Variants in PLA2G4F observed in about 807,000 individuals in gnomAD.
PLA2G4F encodes the protein phospholipase A2 group IVF, also known as cytosolic phospholipase A2 zeta.
In PLA2G4F, 105 loss-of-function variants were observed where a neutral mutation model predicts 103.1. The ratio of observed to expected loss-of-function variants is 1.02; its 90% CI spans 0.87 to 1.20. PLA2G4F has a LOEUF of 1.20. PLA2G4F is among the 50% of genes most tolerant of loss of function. The pLI, the probability that PLA2G4F is intolerant of heterozygous loss-of-function variation, is 0.00. For missense variants in PLA2G4F, 1,155 were observed against 1,075.9 expected, an observed-to-expected ratio of 1.07 and a Z score of -1.03; for synonymous variants, 468 against 441.1, an observed-to-expected ratio of 1.06 and a Z score of -0.76.
In PLA2G4F at chr15:42,144,086, C is replaced by T. The variant is rs1394384853; in HGVS notation, c.2034G>A (p.Leu678=). 1 of 1,614,076 alleles carries T rather than the reference C, an allele frequency of 6.2e-7. No individual in the cohort carries two copies. Among genetic ancestry groups the T allele is most frequent in the Admixed American group, 1.7e-5 (1 of 60,002 alleles). The part of the protein sequence containing the change: ...QLTPMRDCLY[L]VDGGFAINSP... ...AGTTGATGGCAAAGCCTCCGTCCACCAGGTACAGGCAGTCCCGCATGGGGG... is the reference window on the plus strand; with the variant it reads ...AGTTGATGGCAAAGCCTCCGTCCACTAGGTACAGGCAGTCCCGCATGGGGG... The change falls in exon 18 of 20, where the codon CTG becomes CTA. Residue 678 remains leucine, a synonymous_variant. Transcript: ENST00000397272.
chr15:42,152,551 A>C (rs1424692815), intron 7 of PLA2G4F, 137 bp downstream of exon 7: 8 of 929,984 alleles, frequency 8.6e-6, no homozygotes, highest in Middle Eastern at 2.1e-4. Context: ...CCTCCAGTGA[A>C]CAATCCATCC....
rs1311768355 is a variant in PLA2G4F, at chr15:42,152,701, T to A, written c.588A>T (p.Pro196=). The A allele has an allele frequency of 4.5e-6, 7 of 1,556,688 alleles. No homozygotes were observed. ...QGTLRGDGTA[P]REEYGSRQLQ... is the part of the protein sequence containing the mutation. Reference sequence around the variant, plus strand: ...GAGCAGACTCACCGTACTCTTCCCGTGGGGCTGTCCCATCTCCCCGGAGCG... The same window carrying A: ...GAGCAGACTCACCGTACTCTTCCCGAGGGGCTGTCCCATCTCCCCGGAGCG... Residue 196 remains proline, a synonymous_variant, in exon 7 of 20, where the codon CCA becomes CCT. Transcript: ENST00000397272.
intron 11 of PLA2G4F, chr15:42,148,975 T>G: frequency 1.0e-6 from 1 of 985,354 alleles, no homozygotes. Context: ...GCCACAGTGA[T>G]AGCGTCTCCT....
chr15:42,142,823 T>TG, intron 18 of PLA2G4F, 109 bp from the exon 19 acceptor site: 2 of 1,174,138 alleles, frequency 1.7e-6, no homozygotes, highest in Non-Finnish European at 2.4e-6. Flanking sequence ...TCTGACTAGC[T>TG]GAGTGACTTC....
chr15:42,150,894 A>C (rs922216265), intron 7 of PLA2G4F, 117 bp from the exon 8 acceptor site: 7 of 1,483,098 alleles, frequency 4.7e-6, no homozygotes, highest in Non-Finnish European at 5.3e-6. Flanking sequence ...AGGAAATGCC[A>C]GCTCTTATCG....
intron 10 of PLA2G4F, 28 bp from the exon 11 acceptor site, chr15:42,149,876 G>A: frequency 1.2e-6 from 2 of 1,609,738 alleles, no homozygotes; most frequent in Non-Finnish European, 1.7e-6. Context: ...GGGTGGCGGT[G>A]GGGGGTTCTG....
chr15:42,147,335 G>A lies in PLA2G4F; in HGVS notation c.1208C>T (p.Thr403Ile), dbSNP rs745375667. The A allele has an allele frequency of 1.9e-6, 3 of 1,606,960 alleles. No homozygotes were observed. Among genetic ancestry groups the A allele is most frequent in the East Asian group, 2.2e-5 (1 of 44,880 alleles). Residue 403 changes from threonine to isoleucine, a missense_variant, in exon 13 of 20, where the codon ACA becomes ATA. Transcript: ENST00000397272. ...GGACCAGGCTGGGTCCCTGTAGAGTGTGGAGATGCACCTGGGGATTGGAGG... is the reference window on the plus strand; with the variant it reads ...GGACCAGGCTGGGTCCCTGTAGAGTATGGAGATGCACCTGGGGATTGGAGG... ...GVSGSTWCIS[T>I]LYRDPAWSQV...
At chr15:42,146,315 A>G in intron 13 of PLA2G4F, 74 bp from the exon 14 acceptor site, 1 of 1,387,070 alleles carries the variant, frequency 7.2e-7, no homozygotes, top group Non-Finnish European at 1.0e-6. Context: ...TGGGGCCGGC[A>G]CCCTGCAAGG....
rs1257548777 is a variant in PLA2G4F at position 42,142,614 on chromosome 15, A to C, written c.2243T>G (p.Leu748Arg). The change falls in exon 19 of 20, where the codon CTG becomes CGG. Residue 748 changes from leucine (L) to arginine (R), a missense_variant. Physicochemically the swap from Leu to Arg is moderately radical, Grantham distance 102. Transcript: ENST00000397272. The part of the protein sequence containing the change: ...EDMEEARECY[L>R]FAKAEDPRSP... Reference sequence around the variant, plus strand: ...GCGGGGGTCCTCAGCCTTGGCAAACAGATAGCACTCACGGGCCTCCTCCAT... The same window carrying C: ...GCGGGGGTCCTCAGCCTTGGCAAACCGATAGCACTCACGGGCCTCCTCCAT... 1 of 1,614,100 alleles carries C rather than the reference A, an allele frequency of 6.2e-7. No homozygotes were observed. The highest frequency in any genetic ancestry group is 8.5e-7 in the Non-Finnish European group (1 of 1,179,990).
chr15:42,149,114 G>A (rs1265585160), intron 11 of PLA2G4F: 1 of 985,160 alleles, frequency 1.0e-6, no homozygotes, highest in East Asian at 1.1e-4. Flanking sequence ...GGATCCCAGG[G>A]ACCCCCCAAC....
Position 42,142,056 on chromosome 15 carries a change from G to A in PLA2G4F, c.2478C>T (p.Asn826=), listed in dbSNP as rs655427. 0.51 allele frequency: 823,027 copies of A among 1,613,806 alleles called. 214,346 individuals are homozygous for A. The highest frequency in any genetic ancestry group is 0.54 in the Non-Finnish European group (631,686 of 1,179,872). Reference sequence around the variant, plus strand: ...GGAGGGCGCACTTCAAGGTCTCCACGTTGTTCAGGACGTTGTATCGACTGA... The same window carrying A: ...GGAGGGCGCACTTCAAGGTCTCCACATTGTTCAGGACGTTGTATCGACTGA... ...VALSRYNVLN[N]VETLKCALQL... Residue 826 remains asparagine (N), a synonymous_variant, in exon 20 of 20, where the codon AAC becomes AAT. Transcript: ENST00000397272.
At chr15:42,144,193 C>T (rs763299043) in intron 17 of PLA2G4F, 49 bp from the exon 18 acceptor site, 2 of 1,538,624 alleles carry the variant, frequency 1.3e-6, no homozygotes, top group Non-Finnish European at 1.8e-6. Flanking sequence ...GTTACTCTTG[C>T]TAGCAACCGC....
chr15:42,142,724 A>C lies in PLA2G4F; in HGVS notation c.2143-10T>G. The C allele has an allele frequency of 6.2e-7, 1 of 1,613,710 alleles. No individual in the cohort carries two copies. The highest frequency in any genetic ancestry group is 1.1e-5 in the South Asian group (1 of 91,048). On this transcript the variant is annotated splice_polypyrimidine_tract_variant and intron_variant, in intron 18 of 19. Coordinates refer to ENST00000397272, the MANE Select transcript of PLA2G4F (RefSeq NM_213600.4). ...CTGTCATCTTCAAGACCTGAGCAGGAGCAAGCCTCTGACTCTGCCTTTCCT... is the reference window on the plus strand; with the variant it reads ...CTGTCATCTTCAAGACCTGAGCAGGCGCAAGCCTCTGACTCTGCCTTTCCT...
At chr15:42,152,426 G>A (rs1164244233) in intron 7 of PLA2G4F, among the ~76,000 whole-genome samples, 1 of 152,254 alleles carries the variant, frequency 6.6e-6, no homozygotes, top group Admixed American at 6.5e-5. Flanking sequence ...AGTTGTGTGA[G>A]CCAAATAAAT....
At chr15:42,146,066 GC>G in intron 14 of PLA2G4F, 60 bp downstream of exon 14, 1 of 1,590,532 alleles carries the variant, frequency 6.3e-7, no homozygotes, top group South Asian at 1.1e-5. Flanking sequence ...GATCACCCTG[GC>G]CTCTCACCTC....
Position 42,150,746 on chromosome 15 carries a change from T to G in PLA2G4F, c.633A>C (p.Gly211=). ...GCAAGAGCTGTGGCTTCTCGTAGGC[T>G]CCAGGCACTGCCAGCTGGAGCTGCC... is the stretch of plus-strand genomic sequence containing the variant. The part of the protein sequence containing the change: ...GSRQLQLAVP[G]AYEKPQLLPL... The change falls in exon 8 of 20, where the codon GGA becomes GGC. Residue 211 remains glycine, a synonymous_variant. Coordinates refer to ENST00000397272, the MANE Select transcript of PLA2G4F (RefSeq NM_213600.4). 1 of 1,610,424 alleles carries G rather than the reference T, an allele frequency of 6.2e-7. No homozygotes were observed. The highest frequency in any genetic ancestry group is 1.7e-4 in the Middle Eastern group (1 of 5,796).
At chr15:42,150,521 C>T (rs763289155) in intron 8 of PLA2G4F, 35 bp from the exon 9 acceptor site, 1 of 1,603,266 alleles carries the variant, frequency 6.2e-7, no homozygotes, top group Admixed American at 1.7e-5. Flanking sequence ...AGCTCTCCAG[C>T]AGGGAAGAAA....
At chr15:42,153,492 G>C in intron 5 of PLA2G4F, 128 bp downstream of exon 5, 1 of 1,479,316 alleles carries the variant, frequency 6.8e-7, no homozygotes, top group Non-Finnish European at 9.3e-7. Flanking sequence ...GCAGATGGGT[G>C]TCAAGACCAG....
intron 13 of PLA2G4F, 73 bp downstream of exon 13, chr15:42,147,051 A>C (rs1595619319): frequency 3.6e-6 from 5 of 1,384,224 alleles, no homozygotes; most frequent in Non-Finnish European, 3.0e-6. Flanking sequence ...AGCCTGAGGG[A>C]TGAGGCAGAA....
Sources: gnomAD v4.1 joint callset for allele counts (sites outside exome capture counted in the v4.1 genomes callset) on GRCh38, gnomAD v4.1.1 for gene constraint, MANE v1.5 for transcripts, NCBI Gene and HGNC (gene_info 2026-07-23, HGNC 2026-07-21) for gene names.